The following TIAM2 variants were observed in gnomAD, a reference collection of about 807,000 sequenced individuals.
TIAM2 encodes rho guanine nucleotide exchange factor TIAM2.
In TIAM2, 80 loss-of-function variants were observed where a neutral mutation model predicts 152.9. That is an observed-to-expected ratio of 0.52 (90% CI 0.44 to 0.63). The LOEUF is 0.63. TIAM2 is among the 30% of genes least tolerant of loss of function. The probability of loss-of-function intolerance (pLI) is 0.00; values close to 1 mark genes in which losing one functional copy is unlikely to be tolerated. For missense variants in TIAM2, 1,965 were observed against 2,120.1 expected, an observed-to-expected ratio of 0.93 and a Z score of 1.44; for synonymous variants, 804 against 838.0, an observed-to-expected ratio of 0.96 and a Z score of 0.70.
intron 1 of TIAM2, among the ~76,000 whole-genome samples, chr6:155,047,710 A>C (rs375266012): frequency 8.3e-5 from 11 of 132,914 alleles, no homozygotes; most frequent in East Asian, 2.2e-4. Context: ...AGAGAGCGAG[A>C]GAGAGAGAGA....
chr6:155,231,565 C>T lies in TIAM2; in HGVS notation c.3169-8965C>T, dbSNP rs76794643. Among the ~76,000 whole-genome samples the T allele has an allele frequency of 2.8e-4, 43 of 152,338 alleles. No homozygotes were observed. In the East Asian group the frequency reaches 7.1e-3, roughly 25 times the overall value. ...GCTGCCCTTTTCCTTCTCCACTCCA[C>T]GGAGCATGCCGGTCCAGGAGAAACT... On this transcript the variant is annotated intron_variant, in intron 15 of 26. Coordinates refer to ENST00000682666, the MANE Select transcript of TIAM2 (RefSeq NM_012454.4).
rs1361222541 is a variant in TIAM2, at chr6:155,242,992, C to T, written c.3349-1019C>T. On this transcript the variant is annotated intron_variant, in intron 16 of 26. Coordinates refer to ENST00000682666, the MANE Select transcript of TIAM2 (RefSeq NM_012454.4). ...TCCTGACCTCAGGTGATCCACCCGCCTCTGCCTCCCAAAGTGCTGGGATTA... is the reference window on the plus strand; with the variant it reads ...TCCTGACCTCAGGTGATCCACCCGCTTCTGCCTCCCAAAGTGCTGGGATTA... Among the ~76,000 whole-genome samples, 3 of 152,002 alleles carry T rather than the reference C, an allele frequency of 2.0e-5. No individual in the cohort carries two copies. The East Asian group carries it at 5.8e-4, about 29-fold the overall frequency.
rs897174928 is a variant in TIAM2, at chr6:155,109,022, C to T, written c.-117-18468C>T. ...GTTTTGAAACAGAGTCTCACTCTGT[C>T]GCCCAGGCTGGAGTGCAATGGCGCG... On this transcript the variant is annotated intron_variant, in intron 2 of 26. Coordinates refer to ENST00000682666, the MANE Select transcript of TIAM2 (RefSeq NM_012454.4). Among the ~76,000 whole-genome samples, 103 of 152,196 alleles carry T rather than the reference C, an allele frequency of 6.8e-4. 2 individuals carry two copies. Among genetic ancestry groups the T allele is most frequent in the Non-Finnish European group, 1.9e-4 (13 of 68,004 alleles).
At chr6:155,114,054 T>C (rs1413148250) in intron 2 of TIAM2, among the ~76,000 whole-genome samples, 6 of 96,150 alleles carry the variant, frequency 6.2e-5, no homozygotes, top group Non-Finnish European at 8.4e-5. Context: ...TTTTTTCTTT[T>C]TTTTTTTTTT....
At chr6:155,065,638 TGTG>T (rs1176641895) in intron 1 of TIAM2, among the ~76,000 whole-genome samples, 1 of 151,840 alleles carries the variant, frequency 6.6e-6, no homozygotes, top group Non-Finnish European at 1.5e-5. Context: ...ATTAGCCAGG[TGTG>T]GTGGTGACTG....
rs955361068 is a variant in TIAM2, at chr6:155,045,998, C to T, written c.-208-44291C>T. 8.6e-5 allele frequency among the ~76,000 whole-genome samples: 13 copies of T among 151,916 alleles called. No individual in the cohort carries two copies. The East Asian group carries it at 2.5e-3, about 30-fold the overall frequency. ...CAGGGGAGAGCATTGCAGGGCAGGG[C>T]TCCTCCTGCTTGTAGTTATTGTCCA... On this transcript the variant is annotated intron_variant, in intron 1 of 26. Transcript: ENST00000682666.
intron 1 of TIAM2, among the ~76,000 whole-genome samples, chr6:155,062,171 C>T (rs12212690): frequency 0.12 from 16,879 of 146,266 alleles, 1,291 homozygotes; most frequent in Admixed American, 0.24. Flanking sequence ...CAGTAGACTG[C>T]TCTTTTTCAT....
chr6:155,080,565 G>A (rs1026945525), intron 1 of TIAM2, among the ~76,000 whole-genome samples: 5 of 151,788 alleles, frequency 3.3e-5, no homozygotes, highest in African/African-American at 1.2e-4. Flanking sequence ...TCAGCCTCCT[G>A]AGTAGCTAGG....
intron 1 of TIAM2, among the ~76,000 whole-genome samples, chr6:155,000,344 C>G (rs1778292171): frequency 6.6e-6 from 1 of 151,916 alleles, no homozygotes; most frequent in Non-Finnish European, 1.5e-5. Flanking sequence ...ACCAGCTGAC[C>G]AACATGGAGA....
At chr6:155,224,770 G>A (rs186812903) in intron 15 of TIAM2, among the ~76,000 whole-genome samples, 1 of 152,302 alleles carries the variant, frequency 6.6e-6, no homozygotes. Context: ...GGTGTTTTCA[G>A]AAAACAGCTG....
chr6:155,237,468 G>GGT (rs1583274718), intron 15 of TIAM2, among the ~76,000 whole-genome samples: 1 of 152,226 alleles, frequency 6.6e-6, no homozygotes, highest in South Asian at 2.1e-4. Context: ...TCCACTAGGC[G>GGT]GTGCCCCAGT....
intron 2 of TIAM2, among the ~76,000 whole-genome samples, chr6:155,095,397 G>A (rs918750808): frequency 1.3e-5 from 2 of 152,180 alleles, no homozygotes; most frequent in African/African-American, 2.4e-5. Context: ...AAGATCCGTG[G>A]TAATTAACTT....
intron 1 of TIAM2, among the ~76,000 whole-genome samples, chr6:155,007,477 C>T (rs1414913991): frequency 2.6e-5 from 4 of 151,662 alleles, no homozygotes; most frequent in African/African-American, 7.3e-5. Context: ...CTCCGCCTCC[C>T]GGGTTCACGC....
At chr6:155,020,860 G>A (rs1776464396) in intron 1 of TIAM2, among the ~76,000 whole-genome samples, 1 of 152,092 alleles carries the variant, frequency 6.6e-6, no homozygotes, top group Admixed American at 6.6e-5. Flanking sequence ...TTGCAGAACT[G>A]AAATTCTGTA....
chr6:155,152,063 C>G (rs1324405022), intron 7 of TIAM2, among the ~76,000 whole-genome samples: 2 of 151,924 alleles, frequency 1.3e-5, no homozygotes, highest in Non-Finnish European at 2.9e-5. Flanking sequence ...AGGCTGGTCT[C>G]GAACTCTGAC....
At chr6:155,063,642 C>T (rs1454655043) in intron 1 of TIAM2, among the ~76,000 whole-genome samples, 1 of 151,816 alleles carries the variant, frequency 6.6e-6, no homozygotes, top group Non-Finnish European at 1.5e-5. Context: ...ATTAGCTGGG[C>T]GTGGTGGTAC....
intron 1 of TIAM2, among the ~76,000 whole-genome samples, chr6:155,074,927 C>T (rs1455439947): frequency 3.4e-5 from 5 of 149,206 alleles, no homozygotes; most frequent in East Asian, 2.0e-4. Context: ...CTGACCACAG[C>T]GCTGGGGAGT....
intron 19 of TIAM2, among the ~76,000 whole-genome samples, chr6:155,246,336 A>G (rs2115331867): frequency 6.6e-6 from 1 of 152,276 alleles, no homozygotes; most frequent in East Asian, 1.9e-4. Flanking sequence ...ATGATATCCC[A>G]GAAGAAAAGC....
chr6:155,165,148 G>A (rs1254838668), intron 8 of TIAM2, 115 bp from the exon 9 acceptor site: 3 of 1,109,980 alleles, frequency 2.7e-6, no homozygotes, highest in Non-Finnish European at 3.8e-6. Context: ...AGACATGCAG[G>A]AGCTTTTGGC....
Sources: gnomAD v4.1 joint callset for allele counts (sites outside exome capture counted in the v4.1 genomes callset) on GRCh38, gnomAD v4.1.1 for gene constraint, MANE v1.5 for transcripts, NCBI Gene and HGNC (gene_info 2026-07-23, HGNC 2026-07-21) for gene names.